Variants in SNRK observed in about 807,000 individuals in gnomAD.
SNRK encodes SNF-related serine/threonine-protein kinase.
SNRK carries 3 observed loss-of-function variants against 48.2 expected under a neutral mutation model. The observed-to-expected ratio is 0.06, with a 90% CI of 0.03 to 0.16. SNRK has a LOEUF of 0.16. Ranked by LOEUF, SNRK falls within the 10% of genes least tolerant of loss-of-function variation. The pLI is 1.00. For missense variants in SNRK, 627 were observed against 976.0 expected (o/e 0.64, Z 4.76); for synonymous variants, 376 against 366.1 (o/e 1.03, Z -0.31).
chr3:43,310,356 G>A (rs1045798246), intron 3 of SNRK, among the ~76,000 whole-genome samples: 20 of 151,826 alleles, frequency 1.3e-4, no homozygotes, highest in Admixed American at 6.6e-5. Flanking sequence ...CTGTGTTGGC[G>A]TCCACCTTTA....
intron 3 of SNRK, among the ~76,000 whole-genome samples, chr3:43,304,729 T>G (rs1246147500): frequency 6.6e-6 from 1 of 152,078 alleles, no homozygotes; most frequent in African/African-American, 2.4e-5. Context: ...TTGTGGTAAT[T>G]TGAAATGCAG....
intron 3 of SNRK, among the ~76,000 whole-genome samples, chr3:43,326,096 C>G (rs1323952417): frequency 6.6e-6 from 1 of 151,912 alleles, no homozygotes; most frequent in Admixed American, 6.6e-5. Context: ...GTGTGCAGTC[C>G]CACAATATGT....
Position 43,348,119 on chromosome 3 carries a change from G to T in SNRK, c.1860G>T (p.Ser620=), listed in dbSNP as rs531215720. The T allele has an allele frequency of 6.3e-7, 1 of 1,586,658 alleles. No individual in the cohort carries two copies. Among genetic ancestry groups the T allele is most frequent in the African/African-American group, 1.3e-5 (1 of 74,430 alleles). Residue 620 remains serine, a synonymous_variant, in exon 7 of 7, where the codon TCG becomes TCT. Coordinates refer to ENST00000296088, the MANE Select transcript of SNRK (RefSeq NM_017719.5). The part of the protein sequence containing the change: ...SGSGGNPTNT[S]GTTRRCAGPS... Reference sequence around the variant, plus strand: ...CGGGTGGCAACCCCACCAATACATCGGGTACCACACGCCGCTGTGCCGGCC... The same window carrying T: ...CGGGTGGCAACCCCACCAATACATCTGGTACCACACGCCGCTGTGCCGGCC...
intron 3 of SNRK, among the ~76,000 whole-genome samples, chr3:43,304,808 C>T (rs571757821): frequency 1.1e-4 from 16 of 152,166 alleles, no homozygotes; most frequent in African/African-American, 3.4e-4. Flanking sequence ...ATACTCTGTA[C>T]ACCAAGACAC....
At chr3:43,304,662 G>T (rs1258061211) in intron 3 of SNRK, among the ~76,000 whole-genome samples, 1 of 151,838 alleles carries the variant, frequency 6.6e-6, no homozygotes, top group African/African-American at 2.4e-5. Context: ...TGTTAATCTT[G>T]GAAAAAAATA....
In SNRK at chr3:43,296,434, G is replaced by GTA. The variant is rs1429296694; in HGVS notation, c.-168-3308_-168-3307dup. ...TACTGGCATATATATATATATATATGTATATATATATATTTAAGCATTTAA... is the reference window on the plus strand; with the variant it reads ...TACTGGCATATATATATATATATATGTATATATATATATATTTAAGCATTTAA... On this transcript the variant is annotated intron_variant, in intron 1 of 6. Transcript: ENST00000296088. 1.4e-3 allele frequency among the ~76,000 whole-genome samples: 40 copies of GTA among 29,088 alleles called. No homozygotes were observed. In the East Asian group the frequency reaches 0.014, roughly 10 times the overall value. 19.1% of individuals were successfully genotyped at this position (29,088 alleles called of 152,430 possible).
chr3:43,342,293 C>G (rs541574349), intron 5 of SNRK, among the ~76,000 whole-genome samples: 1 of 152,312 alleles, frequency 6.6e-6, no homozygotes, highest in South Asian at 2.1e-4. Context: ...TCCGTGCTTG[C>G]TGCTCACATC....
At position 43,315,760 on chromosome 3, in the gene SNRK, A is replaced by C. The variant is rs572651395; in HGVS notation, c.589+11968A>C. Among the ~76,000 whole-genome samples the C allele has an allele frequency of 2.0e-5, 3 of 152,364 alleles. No individual in the cohort carries two copies. In the South Asian group the frequency reaches 6.2e-4, roughly 32 times the overall value. On this transcript the variant is annotated intron_variant, in intron 3 of 6. Coordinates refer to ENST00000296088, the MANE Select transcript of SNRK (RefSeq NM_017719.5). ...GCGTTGCAGCCTGGGGCCCAGGCAT[A>C]GTCACCAGTGTAATATTAAATTGTC...
intron 4 of SNRK, chr3:43,332,722 A>G (rs1423881536): frequency 6.5e-6 from 1 of 153,582 alleles, no homozygotes; most frequent in Non-Finnish European, 1.4e-5. Context: ...TTCTTTCCTG[A>G]ATAGACCATC....
chr3:43,319,205 A>T (rs888434714), intron 3 of SNRK, among the ~76,000 whole-genome samples: 1 of 152,142 alleles, frequency 6.6e-6, no homozygotes, highest in Non-Finnish European at 1.5e-5. Flanking sequence ...AGGTTGATCT[A>T]TTAGCCTTAT....
intron 3 of SNRK, among the ~76,000 whole-genome samples, chr3:43,322,375 G>T (rs930537345): frequency 6.6e-6 from 1 of 152,156 alleles, no homozygotes; most frequent in African/African-American, 2.4e-5. Flanking sequence ...AGAGTCATAA[G>T]AAAAAGGGTA....
At chr3:43,321,723 G>T (rs2091055144) in intron 3 of SNRK, among the ~76,000 whole-genome samples, 1 of 152,162 alleles carries the variant, frequency 6.6e-6, no homozygotes, top group South Asian at 2.1e-4. Flanking sequence ...GCCTCTCCTT[G>T]CCACCTGAAG....
Position 43,310,536 on chromosome 3 carries a change from C to T in SNRK, c.589+6744C>T, listed in dbSNP as rs2090971872. ...AATTTCTTGGCCTCCCTGTCCCTTT[C>T]TTGGATTATTTTTATTGTGCTTTGT... On this transcript the variant is annotated intron_variant, in intron 3 of 6. Transcript: ENST00000296088. 2.0e-5 allele frequency among the ~76,000 whole-genome samples: 3 copies of T among 152,082 alleles called. No individual in the cohort carries two copies. The South Asian group carries it at 6.2e-4, about 32-fold the overall frequency.
At chr3:43,324,811 AC>A (rs1246044268) in intron 3 of SNRK, among the ~76,000 whole-genome samples, 1 of 152,230 alleles carries the variant, frequency 6.6e-6, no homozygotes, top group Non-Finnish European at 1.5e-5. Context: ...ACTAGCCAAA[AC>A]AAACATTTCA....
rs147324688 is a variant in SNRK, at chr3:43,304,347, C to T, written c.589+555C>T. The stretch of plus-strand genomic sequence containing the variant: ...ATCTTGTTTACTTTTCACAGCGACC[C>T]GTGGGGTTGTTATTGTCTATCTCAT... On this transcript the variant is annotated intron_variant, in intron 3 of 6. Transcript: ENST00000296088. 6.6e-5 allele frequency among the ~76,000 whole-genome samples: 10 copies of T among 152,238 alleles called. No individual in the cohort carries two copies. The East Asian group carries it at 1.2e-3, about 18-fold the overall frequency.
intron 4 of SNRK, among the ~76,000 whole-genome samples, chr3:43,336,281 TCC>T (rs2091187816): frequency 5.4e-5 from 1 of 18,352 alleles, no homozygotes; most frequent in Non-Finnish European, 1.6e-3. Flanking sequence ...CCACCCTCTC[TCC>T]CTTGCTCTCT....
chr3:43,295,819 A>G (rs1054538157), intron 1 of SNRK, among the ~76,000 whole-genome samples: 2 of 151,964 alleles, frequency 1.3e-5, no homozygotes, highest in African/African-American at 2.4e-5. Context: ...GCTCACTGCA[A>G]CCTCCACCTC....
intron 3 of SNRK, among the ~76,000 whole-genome samples, chr3:43,321,075 T>G (rs891273798): frequency 5.9e-5 from 9 of 152,154 alleles, no homozygotes; most frequent in African/African-American, 2.2e-4. Flanking sequence ...GTGAGGTACC[T>G]TGCCCTGTAT....
intron 3 of SNRK, among the ~76,000 whole-genome samples, chr3:43,315,466 G>T (rs1034203002): frequency 6.6e-6 from 1 of 152,120 alleles, no homozygotes; most frequent in Non-Finnish European, 1.5e-5. Flanking sequence ...TCTCTTCCCA[G>T]AGGCAGAATT....
Sources: allele counts gnomAD v4.1 joint callset (sites outside exome capture counted in the v4.1 genomes callset), GRCh38; gene constraint gnomAD v4.1.1; transcripts MANE v1.5; gene names NCBI Gene and HGNC (gene_info 2026-07-23, HGNC 2026-07-21).